ZYG11A: variants seen among roughly 807,000 people sequenced by gnomAD.
ZYG11A encodes protein zyg-11 homolog A.
Under a neutral mutation model 77.2 loss-of-function variants are expected in ZYG11A, and 62 were observed. The ratio of observed to expected loss-of-function variants is 0.80; its 90% CI spans 0.65 to 0.99. ZYG11A has a LOEUF of 0.99. Among genes scored for constraint, ZYG11A ranks in the 50% least tolerant of loss-of-function variants. ZYG11A has a pLI of 0.00. For synonymous variants in ZYG11A, 315 were observed against 324.6 expected (o/e 0.97, Z 0.32); for missense variants, 828 against 896.8 (o/e 0.92, Z 0.98).
chr1:52,876,941 T>TA (rs1646272027), intron 8 of ZYG11A, among the ~76,000 whole-genome samples: 1 of 152,228 alleles, frequency 6.6e-6, no homozygotes, highest in Non-Finnish European at 1.5e-5. Context: ...GACTTCTTTC[T>TA]AGAAATGTTG....
chr1:52,842,798 C>A lies in ZYG11A; in HGVS notation c.-86C>A. On this transcript the variant is annotated 5_prime_UTR_variant, in exon 1 of 14. The change creates a new upstream start codon in the 5' untranslated region. Transcript: ENST00000371528. ...GCCTCGCAGGCGTGGTGGGCGCGTC[C>A]TGGCAGCCGCCCGCTTGGTTCTCGC... is the stretch of plus-strand genomic sequence containing the variant. 1 of 1,338,716 alleles carries A rather than the reference C, an allele frequency of 7.5e-7. No individual in the cohort carries two copies. The highest frequency in any genetic ancestry group is 1.0e-6 in the Non-Finnish European group (1 of 980,294). The allele number at this position is 1,338,716 out of a possible 1,614,324, so 82.9% of individuals were successfully genotyped here.
At chr1:52,890,065 T>TC in intron 13 of ZYG11A, among the ~76,000 whole-genome samples, 1 of 148,784 alleles carries the variant, frequency 6.7e-6, no homozygotes, top group Non-Finnish European at 1.5e-5. Flanking sequence ...TTTTTTTTTT[T>TC]TTTTTCTTTT....
intron 8 of ZYG11A, among the ~76,000 whole-genome samples, chr1:52,874,650 T>C (rs1282163855): frequency 6.6e-6 from 1 of 152,086 alleles, no homozygotes; most frequent in Non-Finnish European, 1.5e-5. Flanking sequence ...GCGGATCATG[T>C]GAGGTTAGGA....
At chr1:52,859,035 T>A (rs1645871944) in intron 3 of ZYG11A, among the ~76,000 whole-genome samples, 1 of 152,202 alleles carries the variant, frequency 6.6e-6, no homozygotes, top group South Asian at 2.1e-4. Context: ...TTCTTTTGAT[T>A]TGAAGTTAGC....
At chr1:52,885,025 C>CA (rs1264673809) in intron 11 of ZYG11A, among the ~76,000 whole-genome samples, 1 of 152,104 alleles carries the variant, frequency 6.6e-6, no homozygotes, top group Non-Finnish European at 1.5e-5. Flanking sequence ...TCTCCTGCCT[C>CA]AGTCTCCTGA....
chr1:52,845,559 A>G (rs1645552088), intron 1 of ZYG11A, among the ~76,000 whole-genome samples: 1 of 151,100 alleles, frequency 6.6e-6, no homozygotes, highest in Admixed American at 6.6e-5. Context: ...CCTGGCCTCA[A>G]GCGACCTGCC....
chr1:52,847,838 T>TAA (rs1645623522), intron 1 of ZYG11A, among the ~76,000 whole-genome samples: 2 of 79,322 alleles, frequency 2.5e-5, no homozygotes, highest in Non-Finnish European at 5.1e-5. Context: ...CCTTGCTAAT[T>TAA]TATTTATTTA....
intron 3 of ZYG11A, among the ~76,000 whole-genome samples, chr1:52,858,477 T>C (rs1645860609): frequency 6.6e-6 from 1 of 150,694 alleles, no homozygotes; most frequent in Non-Finnish European, 1.5e-5. Context: ...AGCTAGTTTT[T>C]TATTTTTAGT....
chr1:52,853,625 T>C (rs1431119727), intron 1 of ZYG11A, among the ~76,000 whole-genome samples: 11 of 152,040 alleles, frequency 7.2e-5, no homozygotes, highest in Non-Finnish European at 1.5e-4. Context: ...GAACTTAATA[T>C]TGGGGCCGGG....
rs561586746 is a variant in ZYG11A at position 52,842,868 on chromosome 1, C to T, written c.-16C>T. The stretch of plus-strand genomic sequence containing the variant: ...GACGCCGGCTCTCTTTTTGACGCCC[C>T]GCCGCCGGGGTTGCCATGGTTCATT... On this transcript the variant is annotated 5_prime_UTR_variant, in exon 1 of 14. Coordinates refer to ENST00000371528, the MANE Select transcript of ZYG11A (RefSeq NM_001004339.3). 14 of 1,528,448 alleles carry T rather than the reference C, an allele frequency of 9.2e-6. No homozygotes were observed. Among genetic ancestry groups the T allele is most frequent in the South Asian group, 2.5e-5 (2 of 81,422 alleles). 94.7% of individuals were successfully genotyped at this position (1,528,448 alleles called of 1,614,324 possible).
At chr1:52,884,292 C>T (rs1022940837) in intron 11 of ZYG11A, among the ~76,000 whole-genome samples, 2 of 151,826 alleles carry the variant, frequency 1.3e-5, no homozygotes, top group Non-Finnish European at 2.9e-5. Flanking sequence ...GTCTGGAGAT[C>T]GAGATCCTCC....
At chr1:52,856,973 C>G (rs1645823951) in intron 2 of ZYG11A, 25 bp from the exon 3 acceptor site, 1 of 1,497,712 alleles carries the variant, frequency 6.7e-7, no homozygotes, top group Non-Finnish European at 8.9e-7. Flanking sequence ...GTTGTCATTA[C>G]AAGTTGGTTC....
Position 52,857,183 on chromosome 1 carries a change from C to T in ZYG11A, c.442C>T (p.Leu148Phe), listed in dbSNP as rs1389686933. ...DLPVPDIISG[L>F]CSNRWIQQNL... ...CCCAGTTCCAGACATCATAAGTGGA[C>T]TCTGCAGCAATAGGTGGATCCAGCA... The change falls in exon 3 of 14, where the codon CTC becomes TTC. Residue 148 changes from leucine to phenylalanine, a missense_variant. Coordinates refer to ENST00000371528, the MANE Select transcript of ZYG11A (RefSeq NM_001004339.3). 2 of 1,552,152 alleles carry T rather than the reference C, an allele frequency of 1.3e-6. No homozygotes were observed. Among genetic ancestry groups the T allele is most frequent in the Non-Finnish European group, 1.7e-6 (2 of 1,147,102 alleles).
At chr1:52,881,330 G>GGCTAA in intron 10 of ZYG11A, 141 bp from the exon 11 acceptor site, 1 of 579,444 alleles carries the variant, frequency 1.7e-6, no homozygotes. Flanking sequence ...GTGGGTTTTA[G>GGCTAA]GCTAGCTTGA....
intron 2 of ZYG11A, among the ~76,000 whole-genome samples, chr1:52,856,593 A>G (rs183094007): frequency 1.8e-3 from 276 of 152,278 alleles, no homozygotes; most frequent in African/African-American, 6.1e-3. Flanking sequence ...TAAAAATAAT[A>G]TTAGTAGTGC....
At position 52,893,163 on chromosome 1, in the gene ZYG11A, A is replaced by G. The variant is rs560798201; in HGVS notation, c.*206A>G. The G allele has an allele frequency of 5.5e-4, 292 of 530,418 alleles. No homozygotes were observed. The highest frequency in any genetic ancestry group is 8.6e-4 in the Non-Finnish European group (259 of 301,572). 32.9% of individuals were successfully genotyped at this position (530,418 alleles called of 1,614,324 possible). On this transcript the variant is annotated 3_prime_UTR_variant, in exon 14 of 14. Transcript: ENST00000371528. ...TGGACTCATTCTGCAGCCTTTCAGC[A>G]GCAATTTTGAAGACTCAAACCGTGG...
intron 11 of ZYG11A, among the ~76,000 whole-genome samples, chr1:52,882,184 C>T (rs182416734): frequency 3.3e-5 from 5 of 152,306 alleles, no homozygotes; most frequent in African/African-American, 4.8e-5. Context: ...TGAGCCATCG[C>T]GCCTAGCCAA....
chr1:52,881,817 C>T (rs1167625148), intron 11 of ZYG11A, 152 bp downstream of exon 11: 5 of 583,536 alleles, frequency 8.6e-6, no homozygotes, highest in South Asian at 3.1e-5. Context: ...AAAACTATCT[C>T]TGTTAACATT....
intron 13 of ZYG11A, among the ~76,000 whole-genome samples, chr1:52,889,199 A>C (rs1479457062): frequency 6.6e-6 from 1 of 151,944 alleles, no homozygotes; most frequent in East Asian, 1.9e-4. Flanking sequence ...GCTGAAGTGC[A>C]GCGGCTTGAT....
Sources: gnomAD v4.1 joint callset for allele counts (sites outside exome capture counted in the v4.1 genomes callset) on GRCh38, gnomAD v4.1.1 for gene constraint, MANE v1.5 for transcripts, NCBI Gene and HGNC (gene_info 2026-07-23, HGNC 2026-07-21) for gene names.